Variants in WDR70 observed in about 807,000 individuals in gnomAD.
WDR70 encodes WD repeat domain 70.
In WDR70, 53 loss-of-function variants were observed where a neutral mutation model predicts 88.6. The observed-to-expected ratio is 0.60, with a 90% CI of 0.48 to 0.75. WDR70 has a LOEUF of 0.75. Among genes scored for constraint, WDR70 ranks in the 30% least tolerant of loss-of-function variants. The pLI is 0.00. For missense variants in WDR70, 610 were observed against 823.2 expected, an observed-to-expected ratio of 0.74 and a Z score of 3.17; for synonymous variants, 280 against 270.0, an observed-to-expected ratio of 1.04 and a Z score of -0.36.
intron 10 of WDR70, among the ~76,000 whole-genome samples, chr5:37,615,719 C>T (rs1744320413): frequency 6.6e-6 from 1 of 152,236 alleles, no homozygotes; most frequent in Non-Finnish European, 1.5e-5. Context: ...ACCCAAAACA[C>T]AACCTGTCTC....
intron 13 of WDR70, among the ~76,000 whole-genome samples, chr5:37,715,966 A>G (rs985110715): frequency 1.1e-4 from 16 of 152,114 alleles, no homozygotes; most frequent in African/African-American, 3.9e-4. Context: ...GATAGTCCCA[A>G]GGATGTCTGT....
intron 15 of WDR70, chr5:37,723,180 A>G (rs1747874307): frequency 3.9e-6 from 2 of 508,594 alleles, no homozygotes; most frequent in South Asian, 2.9e-5. Context: ...CGAGTCCAAT[A>G]CATTACTTTA....
intron 5 of WDR70, among the ~76,000 whole-genome samples, chr5:37,412,848 A>T (rs1409743543): frequency 6.6e-6 from 1 of 152,238 alleles, no homozygotes; most frequent in African/African-American, 2.4e-5. Flanking sequence ...TTTAGTTCCC[A>T]GGAGTTGATG....
In WDR70 at chr5:37,444,405, C is replaced by A. The variant is rs1176888421; in HGVS notation, c.686+1033C>A. ...CCAGGCTGGAGTGCAGTGGCGAGAT[C>A]TTGGCTCACTGCAACCTCTGCTTCT... On this transcript the variant is annotated intron_variant, in intron 7 of 17. Transcript: ENST00000265107. 5.3e-5 allele frequency among the ~76,000 whole-genome samples: 7 copies of A among 132,608 alleles called. No homozygotes were observed. In the Admixed American group the frequency reaches 6.4e-4, roughly 12 times the overall value. 87.0% of individuals were successfully genotyped at this position (132,608 alleles called of 152,430 possible).
intron 10 of WDR70, among the ~76,000 whole-genome samples, chr5:37,611,266 C>T (rs1039850188): frequency 4.6e-5 from 7 of 151,672 alleles, no homozygotes; most frequent in African/African-American, 1.7e-4. Flanking sequence ...TTGTTAACTA[C>T]TTTCTGTAGT....
At chr5:37,727,131 T>C in intron 17 of WDR70, 86 bp downstream of exon 17, 1 of 1,471,306 alleles carries the variant, frequency 6.8e-7, no homozygotes, top group South Asian at 1.3e-5. Flanking sequence ...GAGTTCTAAC[T>C]TCTCTATTTC....
At chr5:37,563,548 G>A (rs1165014995) in intron 9 of WDR70, among the ~76,000 whole-genome samples, 4 of 60,852 alleles carry the variant, frequency 6.6e-5, no homozygotes, top group Admixed American at 1.6e-4. Flanking sequence ...GGCTGGCCGG[G>A]CGGGGGGCTG....
chr5:37,463,372 A>T (rs1739069654), intron 7 of WDR70, among the ~76,000 whole-genome samples: 12 of 151,908 alleles, frequency 7.9e-5, no homozygotes, highest in Admixed American at 7.9e-4. Context: ...TGAACTCCTG[A>T]CTCACATTCC....
chr5:37,381,480 G>A, intron 2 of WDR70, 122 bp from the exon 3 acceptor site: 3 of 743,976 alleles, frequency 4.0e-6, no homozygotes, highest in Non-Finnish European at 7.0e-6. Context: ...GATATATTAT[G>A]GTTATATTGG....
chr5:37,571,614 A>T (rs1742907707), intron 9 of WDR70, among the ~76,000 whole-genome samples: 1 of 152,200 alleles, frequency 6.6e-6, no homozygotes, highest in South Asian at 2.1e-4. Flanking sequence ...TGTATTAGGG[A>T]TAAAGGTTAC....
intron 7 of WDR70, among the ~76,000 whole-genome samples, chr5:37,452,409 G>T (rs896346320): frequency 2.6e-5 from 4 of 152,088 alleles, no homozygotes; most frequent in African/African-American, 9.7e-5. Flanking sequence ...GGGATTACAG[G>T]TGCATGCCAC....
In WDR70 at chr5:37,697,521, A is replaced by C. The variant is rs188445410; in HGVS notation, c.1093-134A>C. ...TTCTTTTTTTTAGAAAGCAAATTAT[A>C]ATCATGTGAAATTAGTACTTTGCTT... On this transcript the variant is annotated intron_variant, in intron 10 of 17. Coordinates refer to ENST00000265107, the MANE Select transcript of WDR70 (RefSeq NM_018034.4). 892 of 637,862 alleles carry C rather than the reference A, an allele frequency of 1.4e-3. 12 individuals carry two copies. In the African/African-American group the frequency reaches 0.015, roughly 10 times the overall value. The allele number at this position is 637,862 out of a possible 1,614,324, so 39.5% of individuals were successfully genotyped here. A position where few individuals can be genotyped will look rare whatever the true frequency, so the allele number is the denominator to read the frequency against.
chr5:37,439,320 A>C (rs1750579789), intron 6 of WDR70, among the ~76,000 whole-genome samples: 1 of 151,730 alleles, frequency 6.6e-6, no homozygotes, highest in Non-Finnish European at 1.5e-5. Context: ...TAATATATTT[A>C]TTTTTTCTTA....
chr5:37,613,367 G>A (rs1005883403), intron 10 of WDR70, among the ~76,000 whole-genome samples: 2 of 152,162 alleles, frequency 1.3e-5, no homozygotes, highest in Admixed American at 6.5e-5. Flanking sequence ...GGAGATGATA[G>A]CAGAAAAGAG....
rs148400714 is a variant in WDR70, at chr5:37,615,065, G to A, written c.1092+9827G>A. Among the ~76,000 whole-genome samples, 297 of 152,052 alleles carry A rather than the reference G, an allele frequency of 2.0e-3. 1 individual carries two copies. Among genetic ancestry groups the A allele is most frequent in the African/African-American group, 6.8e-3 (282 of 41,506 alleles). On this transcript the variant is annotated intron_variant, in intron 10 of 17. Transcript: ENST00000265107. ...TCTTGCAAAATAAATATGTGATTGA[G>A]GGATAAGGGAAGGAACCCCTAGGAG...
chr5:37,455,536 CT>C (rs1247428537), intron 7 of WDR70, among the ~76,000 whole-genome samples: 10 of 151,734 alleles, frequency 6.6e-5, no homozygotes, highest in Non-Finnish European at 2.9e-5. Flanking sequence ...GCCATTGCGC[CT>C]TATCCTGATT....
chr5:37,716,209 T>C (rs1747650756), intron 13 of WDR70, among the ~76,000 whole-genome samples: 1 of 152,206 alleles, frequency 6.6e-6, no homozygotes, highest in South Asian at 2.1e-4. Context: ...AGTTTCAACA[T>C]AATCATGTTT....
chr5:37,580,560 T>C (rs1229743634), intron 9 of WDR70, among the ~76,000 whole-genome samples: 3 of 152,242 alleles, frequency 2.0e-5, no homozygotes, highest in African/African-American at 7.2e-5. Context: ...CTCAAAGGAA[T>C]AGCATGTTGC....
intron 10 of WDR70, among the ~76,000 whole-genome samples, chr5:37,691,727 T>G (rs1205481247): frequency 6.6e-6 from 1 of 152,166 alleles, no homozygotes; most frequent in East Asian, 1.9e-4. Flanking sequence ...AAAGGGAAAT[T>G]TATAGCACTA....
Sources: gnomAD v4.1 joint callset for allele counts (sites outside exome capture counted in the v4.1 genomes callset) on GRCh38, gnomAD v4.1.1 for gene constraint, MANE v1.5 for transcripts, NCBI Gene and HGNC (gene_info 2026-07-23, HGNC 2026-07-21) for gene names.